ZNF804B: variants seen among roughly 807,000 people sequenced by gnomAD.
ZNF804B encodes zinc finger 804B.
ZNF804B carries 80 observed loss-of-function variants against 101.4 expected under a neutral mutation model. That is an observed-to-expected ratio of 0.79 (90% CI 0.66 to 0.95). ZNF804B has a LOEUF of 0.95. ZNF804B is among the 40% of genes least tolerant of loss of function. The probability of loss-of-function intolerance (pLI) is 0.00; values close to 1 mark genes in which losing one functional copy is unlikely to be tolerated. For synonymous variants in ZNF804B, 622 were observed against 558.8 expected (o/e 1.11, Z -1.59); for missense variants, 1,673 against 1,561.9 (o/e 1.07, Z -1.20).
intron 1 of ZNF804B, among the ~76,000 whole-genome samples, chr7:88,947,167 A>G (rs1311318055): frequency 6.6e-6 from 1 of 152,050 alleles, no homozygotes; most frequent in African/African-American, 2.4e-5. Flanking sequence ...ATTACTGGGT[A>G]TATACCCAAA....
rs13243293 is a variant in ZNF804B at position 89,305,019 on chromosome 7, A to G, written c.250-22325A>G. Among the ~76,000 whole-genome samples, 733 of 152,098 alleles carry G rather than the reference A, an allele frequency of 4.8e-3. 2 individuals carry two copies. The highest frequency in any genetic ancestry group is 7.0e-3 in the Non-Finnish European group (473 of 67,950). ...CAGAATAGCATGGCTGGTTAGAGCC[A>G]CTCTCTAAAGTGGGCTGGCTGCCTG... On this transcript the variant is annotated intron_variant, in intron 2 of 3. Transcript: ENST00000333190.
At chr7:88,898,340 C>T (rs2115946287) in intron 1 of ZNF804B, among the ~76,000 whole-genome samples, 1 of 152,136 alleles carries the variant, frequency 6.6e-6, no homozygotes, top group South Asian at 2.1e-4. Flanking sequence ...CCCGCCTCGG[C>T]CTCCCAACGT....
At chr7:88,772,920 GC>G (rs1349527180) in intron 1 of ZNF804B, among the ~76,000 whole-genome samples, 1 of 152,140 alleles carries the variant, frequency 6.6e-6, no homozygotes, top group East Asian at 1.9e-4. Flanking sequence ...AATGGTGAAA[GC>G]TTCTTCCTTT....
chr7:89,134,139 C>T (rs1017726651), intron 1 of ZNF804B, among the ~76,000 whole-genome samples: 15 of 152,138 alleles, frequency 9.9e-5, no homozygotes, highest in African/African-American at 3.6e-4. Context: ...AAAAAATACC[C>T]TGTTAATCTA....
intron 1 of ZNF804B, among the ~76,000 whole-genome samples, chr7:88,994,264 C>A (rs1793888540): frequency 6.6e-6 from 1 of 151,936 alleles, no homozygotes; most frequent in Admixed American, 6.6e-5. Context: ...TATGCTATGG[C>A]ACAGGTTGTT....
chr7:89,066,286 C>T (rs796296052), intron 1 of ZNF804B, among the ~76,000 whole-genome samples: 5 of 152,218 alleles, frequency 3.3e-5, no homozygotes, highest in African/African-American at 1.2e-4. Flanking sequence ...GTCCTACTGC[C>T]TGTTATGCTA....
intron 2 of ZNF804B, among the ~76,000 whole-genome samples, chr7:89,298,839 A>G (rs1028340035): frequency 3.0e-4 from 45 of 152,146 alleles, no homozygotes; most frequent in African/African-American, 9.1e-4. Context: ...TGGTTGATCC[A>G]TATTACATCC....
At chr7:89,112,184 T>C (rs1790227862) in intron 1 of ZNF804B, among the ~76,000 whole-genome samples, 1 of 151,388 alleles carries the variant, frequency 6.6e-6, no homozygotes, top group African/African-American at 2.4e-5. Context: ...ACACAAAAAC[T>C]CATTGCCAAA....
At chr7:88,816,721 A>T (rs1215443047) in intron 1 of ZNF804B, among the ~76,000 whole-genome samples, 1 of 142,538 alleles carries the variant, frequency 7.0e-6, no homozygotes, top group Admixed American at 7.2e-5. Context: ...ATCATTAAAA[A>T]GTCAGGAAAC....
intron 1 of ZNF804B, among the ~76,000 whole-genome samples, chr7:88,836,712 A>G (rs1054373793): frequency 2.0e-5 from 3 of 150,932 alleles, no homozygotes; most frequent in African/African-American, 7.3e-5. Flanking sequence ...AGAGCATGCT[A>G]TCTCTCTCTC....
At chr7:89,009,035 C>T (rs1382828077) in intron 1 of ZNF804B, among the ~76,000 whole-genome samples, 1 of 152,120 alleles carries the variant, frequency 6.6e-6, no homozygotes, top group East Asian at 1.9e-4. Flanking sequence ...TTGCTGCTTC[C>T]ACAAGGTACT....
At chr7:89,061,041 A>G (rs1183685919) in intron 1 of ZNF804B, among the ~76,000 whole-genome samples, 2 of 152,102 alleles carry the variant, frequency 1.3e-5, no homozygotes, top group Non-Finnish European at 2.9e-5. Flanking sequence ...AACCGTAGTA[A>G]TATGTATTTA....
chr7:89,058,927 C>G (rs1324657466), intron 1 of ZNF804B, among the ~76,000 whole-genome samples: 1 of 147,084 alleles, frequency 6.8e-6, no homozygotes, highest in Non-Finnish European at 1.5e-5. Flanking sequence ...CTCCTGCGTT[C>G]AAGTGATCTT....
intron 1 of ZNF804B, among the ~76,000 whole-genome samples, chr7:89,039,936 G>A (rs558094694): frequency 1.3e-5 from 2 of 151,870 alleles, no homozygotes. Context: ...TGAGAATTTT[G>A]TTACCGTATG....
At chr7:89,280,840 G>T (rs988284651) in intron 2 of ZNF804B, among the ~76,000 whole-genome samples, 35 of 152,170 alleles carry the variant, frequency 2.3e-4, no homozygotes, top group Non-Finnish European at 4.6e-4. Flanking sequence ...GGAGGAACTG[G>T]TACCATTCCT....
chr7:88,861,041 A>G (rs1274662616), intron 1 of ZNF804B, among the ~76,000 whole-genome samples: 1 of 152,152 alleles, frequency 6.6e-6, no homozygotes, highest in Non-Finnish European at 1.5e-5. Context: ...GCCTTGGTTT[A>G]AACTGTTAGT....
chr7:89,194,895 A>T (rs919575257), intron 1 of ZNF804B, among the ~76,000 whole-genome samples: 6 of 152,014 alleles, frequency 3.9e-5, no homozygotes, highest in Non-Finnish European at 8.8e-5. Context: ...TCTATAAATT[A>T]CCTTGGGCAG....
intron 1 of ZNF804B, among the ~76,000 whole-genome samples, chr7:89,005,768 C>G (rs932296341): frequency 6.6e-6 from 1 of 152,076 alleles, no homozygotes; most frequent in Non-Finnish European, 1.5e-5. Flanking sequence ...ATAAAATTCT[C>G]TTTCCTTCTC....
intron 2 of ZNF804B, among the ~76,000 whole-genome samples, chr7:89,237,602 A>G (rs916340561): frequency 1.3e-5 from 2 of 152,168 alleles, no homozygotes; most frequent in Non-Finnish European, 2.9e-5. Flanking sequence ...AGGTGCAGGA[A>G]TAAGTACAGT....
Sources: gnomAD v4.1 joint callset for allele counts (sites outside exome capture counted in the v4.1 genomes callset) on GRCh38, gnomAD v4.1.1 for gene constraint, MANE v1.5 for transcripts, NCBI Gene and HGNC (gene_info 2026-07-23, HGNC 2026-07-21) for gene names.